The following MTCL1 variants were observed in gnomAD, a reference collection of about 807,000 sequenced individuals.
MTCL1 encodes microtubule cross-linking factor 1.
A neutral mutation model predicts 141.4 loss-of-function variants in MTCL1; 79 were observed. The ratio of observed to expected loss-of-function variants is 0.56; its 90% CI spans 0.47 to 0.67. The LOEUF (loss-of-function observed/expected upper bound fraction) is 0.67, where lower values mean the gene tolerates loss of function less well. Ranked by LOEUF, MTCL1 falls within the 30% of genes least tolerant of loss-of-function variation. The probability of loss-of-function intolerance (pLI) is 0.00; values close to 1 mark genes in which losing one functional copy is unlikely to be tolerated. For synonymous variants in MTCL1, 914 were observed against 875.8 expected, an observed-to-expected ratio of 1.04 and a Z score of -0.77; for missense variants, 2,177 against 2,113.9, an observed-to-expected ratio of 1.03 and a Z score of -0.59.
chr18:8,729,944 A>G (rs2096241991), intron 4 of MTCL1, among the ~76,000 whole-genome samples: 1 of 152,060 alleles, frequency 6.6e-6, no homozygotes, highest in Non-Finnish European at 1.5e-5. Flanking sequence ...TTGCACATGT[A>G]TGTCTGTGAT....
chr18:8,749,018 A>G (rs182814584), intron 4 of MTCL1, among the ~76,000 whole-genome samples: 14 of 152,322 alleles, frequency 9.2e-5, no homozygotes, highest in African/African-American at 3.4e-4. Context: ...GGCACACATC[A>G]TCTCTACTTT....
chr18:8,758,588 G>A (rs2096414481), intron 4 of MTCL1, among the ~76,000 whole-genome samples: 1 of 152,144 alleles, frequency 6.6e-6, no homozygotes, highest in Admixed American at 6.5e-5. Context: ...ATTCTAGGTA[G>A]GCTCCAGAAC....
intron 16 of MTCL1, chr18:8,829,595 A>G (rs1193982309): frequency 5.1e-6 from 5 of 985,318 alleles, no homozygotes; most frequent in African/African-American, 1.7e-5. Flanking sequence ...AGTCTGAGTC[A>G]AAGCACATGA....
At chr18:8,799,927 A>G (rs2076057800) in intron 10 of MTCL1, among the ~76,000 whole-genome samples, 1 of 152,110 alleles carries the variant, frequency 6.6e-6, no homozygotes, top group Non-Finnish European at 1.5e-5. Flanking sequence ...GCGATTACCC[A>G]CGAAAGTGGA....
intron 4 of MTCL1, among the ~76,000 whole-genome samples, chr18:8,738,864 G>T (rs2096286976): frequency 1.3e-5 from 2 of 152,112 alleles, no homozygotes; most frequent in East Asian, 3.9e-4. Flanking sequence ...ATGTTGAAGC[G>T]AGAGTCCACT....
At chr18:8,824,514 G>A (rs1298974880) in intron 14 of MTCL1, among the ~76,000 whole-genome samples, 185 bp from the exon 14 acceptor site, 1 of 152,236 alleles carries the variant, frequency 6.6e-6, no homozygotes, top group Non-Finnish European at 1.5e-5. Context: ...GAGCCACGCA[G>A]AGTCCAATAA....
intron 4 of MTCL1, among the ~76,000 whole-genome samples, chr18:8,769,740 C>T (rs1249163902): frequency 1.3e-5 from 2 of 152,200 alleles, no homozygotes; most frequent in African/African-American, 4.8e-5. Flanking sequence ...TGCTGGGAAT[C>T]CTGAACCATG....
At chr18:8,775,609 G>A (rs997483663) in intron 4 of MTCL1, among the ~76,000 whole-genome samples, 2 of 151,902 alleles carry the variant, frequency 1.3e-5, no homozygotes, top group African/African-American at 4.8e-5. Flanking sequence ...CTTAACTGAA[G>A]CATGAAGGTA....
At position 8,830,906 on chromosome 18, in the gene MTCL1, C is replaced by T; in HGVS notation, c.*19-701C>T. 3.0e-6 allele frequency: 3 copies of T among 985,518 alleles called. No homozygotes were observed. In the South Asian group the frequency reaches 1.4e-4, roughly 46 times the overall value. 61.0% of individuals were successfully genotyped at this position (985,518 alleles called of 1,614,324 possible). A position where few individuals can be genotyped will look rare whatever the true frequency, so the allele number is the denominator to read the frequency against. On this transcript the variant is annotated intron_variant, in intron 16 of 16. Coordinates refer to ENST00000359865, the Ensembl canonical transcript of MTCL1. This position sits in a 1 kb window ranked among gnomAD's most constrained non-coding sequence, Gnocchi z 6.4. ...CATGGTTGAGTGTGTCTTGCATCAC[C>T]TGCTCGCAGAACATTAGGATGCCTG...
intron 3 of MTCL1, 111 bp from the exon 3 acceptor site, chr18:8,720,227 C>G: frequency 1.0e-6 from 1 of 975,206 alleles, no homozygotes; most frequent in Non-Finnish European, 1.6e-6. Context: ...AGGGTCTTTG[C>G]TATGTGGTGT....
intron 16 of MTCL1, chr18:8,831,289 C>T (rs2077184481): frequency 3.9e-5 from 45 of 1,161,758 alleles, no homozygotes; most frequent in Admixed American, 8.4e-5. Context: ...CTGTGGAGAC[C>T]GCTGCCACAG....
chr18:8,803,748 G>C (rs1321661222), intron 10 of MTCL1, among the ~76,000 whole-genome samples: 1 of 152,182 alleles, frequency 6.6e-6, no homozygotes, highest in Non-Finnish European at 1.5e-5. Context: ...GTTGAATAGA[G>C]CACTGTTTTG....
chr18:8,755,673 T>C (rs2096393835), intron 4 of MTCL1, among the ~76,000 whole-genome samples: 1 of 152,156 alleles, frequency 6.6e-6, no homozygotes, highest in Admixed American at 6.5e-5. Flanking sequence ...CTAAACCACC[T>C]TTAAAAGACA....
chr18:8,771,059 G>A (rs2096483302), intron 4 of MTCL1, among the ~76,000 whole-genome samples: 1 of 152,176 alleles, frequency 6.6e-6, no homozygotes, highest in Admixed American at 6.5e-5. Context: ...AGGACATAGT[G>A]CCCGTGGCTG....
chr18:8,808,404 T>G (rs1163364930), intron 11 of MTCL1, among the ~76,000 whole-genome samples: 1 of 152,244 alleles, frequency 6.6e-6, no homozygotes, highest in Non-Finnish European at 1.5e-5. Context: ...ACATTTCATC[T>G]TTGTTTTATA....
At chr18:8,812,072 A>G (rs67416199) in intron 11 of MTCL1, among the ~76,000 whole-genome samples, 2,098 of 145,848 alleles carry the variant, frequency 0.014, 41 homozygotes, top group African/African-American at 0.038. Flanking sequence ...GTTTACCTCT[A>G]CATATTCTGT....
chr18:8,718,033 C>T (rs16954008), intron 2 of MTCL1: 49,833 of 958,990 alleles, frequency 0.052, 1,610 homozygotes, highest in African/African-American at 0.14. Context: ...AGGCAGGGTC[C>T]GTATGATTCA....
rs758042665 is a variant in MTCL1 at position 8,830,432 on chromosome 18, G to A, written c.*19-1175G>A. On this transcript the variant is annotated intron_variant, in intron 16 of 16. Transcript: ENST00000359865. This position sits in a 1 kb window ranked among gnomAD's most constrained non-coding sequence, Gnocchi z 6.4. ...CCCCATTGCTCTTCTGGAAGCCTGT[G>A]GCTCCCACGCTGTCCTCGGGCCATG... 7.1e-6 allele frequency: 7 copies of A among 985,562 alleles called. No individual in the cohort carries two copies. The highest frequency in any genetic ancestry group is 8.4e-6 in the Non-Finnish European group (7 of 830,050). 61.1% of individuals were successfully genotyped at this position (985,562 alleles called of 1,614,324 possible).
intron 4 of MTCL1, among the ~76,000 whole-genome samples, chr18:8,776,719 C>CTATT (rs2096510582): frequency 7.2e-6 from 1 of 138,754 alleles, no homozygotes; most frequent in South Asian, 2.4e-4. Context: ...TCAGGAAACA[C>CTATT]TAGTTATTTA....
Sources: gnomAD v4.1 joint callset for allele counts (sites outside exome capture counted in the v4.1 genomes callset) on GRCh38, gnomAD v4.1.1 for gene constraint, Gnocchi (gnomAD v3.1) non-coding constraint, MANE v1.5 for transcripts, NCBI Gene and HGNC (gene_info 2026-07-23, HGNC 2026-07-21) for gene names.